ZRANB3: variants seen among roughly 807,000 people sequenced by gnomAD.
ZRANB3 encodes the protein zinc finger RANBP2-type containing 3.
ZRANB3 carries 125 observed loss-of-function variants against 133.8 expected under a neutral mutation model. The ratio of observed to expected loss-of-function variants is 0.93; its 90% CI spans 0.81 to 1.08. ZRANB3 has a LOEUF of 1.08. Ranked by LOEUF, ZRANB3 falls within the 50% of genes least tolerant of loss-of-function variation. The pLI is 0.00. For synonymous variants in ZRANB3, 387 were observed against 432.7 expected (o/e 0.89, Z 1.31); for missense variants, 1,229 against 1,275.5 (o/e 0.96, Z 0.56).
intron 2 of ZRANB3, among the ~76,000 whole-genome samples, chr2:135,414,677 A>G (rs918336846): frequency 1.3e-5 from 2 of 152,158 alleles, no homozygotes; most frequent in Non-Finnish European, 2.9e-5. Flanking sequence ...CACCACACCT[A>G]TTCCAAAATT....
chr2:135,415,071 A>G (rs1013147128), intron 2 of ZRANB3, among the ~76,000 whole-genome samples: 25 of 150,498 alleles, frequency 1.7e-4, no homozygotes, highest in African/African-American at 5.4e-4. Flanking sequence ...AAACACATTC[A>G]AAAGCTAGCA....
chr2:135,403,624 C>G (rs1288457253), intron 2 of ZRANB3, among the ~76,000 whole-genome samples: 3 of 152,206 alleles, frequency 2.0e-5, no homozygotes, highest in Admixed American at 6.5e-5. Context: ...CAGCACGCAG[C>G]TGGAGATCTG....
chr2:135,230,588 A>G lies in ZRANB3; in HGVS notation c.1879T>C (p.Cys627Arg). Residue 627 changes from cysteine (C) to arginine (R), a missense_variant, in exon 13 of 21, where the codon TGT becomes CGT. Coordinates refer to ENST00000264159, the MANE Select transcript of ZRANB3 (RefSeq NM_032143.4). ...TTATTGATATAGGTGCAGAGACTAC[A>G]TTGCCAGCCCTCTACAGGAAAGGCT... ...TPAFPVEGWQCSLCTYINNSE... is the reference protein window; with the variant it reads ...TPAFPVEGWQRSLCTYINNSE... 6.2e-7 allele frequency: 1 copy of G among 1,603,050 alleles called. No homozygotes were observed. Among genetic ancestry groups the G allele is most frequent in the Non-Finnish European group, 8.5e-7 (1 of 1,176,806 alleles).
rs1217413124 is a variant in ZRANB3, at chr2:135,345,650, GTGTTTGTAGTA to G, written c.592-26_592-16del. ...TGCATAAAAAGCTATAATAATACAA[GTGTTTGTAGTA>G]TGTTGTAATATTTTCAAGTAAATTA... On this transcript the variant is annotated splice_polypyrimidine_tract_variant and intron_variant, in intron 5 of 20. Coordinates refer to ENST00000264159, the MANE Select transcript of ZRANB3 (RefSeq NM_032143.4). 27 of 1,522,778 alleles carry G rather than the reference GTGTTTGTAGTA, an allele frequency of 1.8e-5. No homozygotes were observed. Among genetic ancestry groups the G allele is most frequent in the Non-Finnish European group, 2.4e-5 (27 of 1,106,376 alleles). 94.3% of individuals were successfully genotyped at this position (1,522,778 alleles called of 1,614,324 possible). A position where few individuals can be genotyped will look rare whatever the true frequency, so the allele number is the denominator to read the frequency against.
chr2:135,504,964 C>CTCCAAAAAATATAAAAT (rs1693108746), intron 1 of ZRANB3, among the ~76,000 whole-genome samples: 1 of 151,914 alleles, frequency 6.6e-6, no homozygotes, highest in Admixed American at 6.6e-5. Flanking sequence ...AATACAAAGA[C>CTCCAAAAAATATAAAAT]ATTAACTCCA....
In ZRANB3 at chr2:135,438,031, G is replaced by A. The variant is rs541218828; in HGVS notation, c.162-47211C>T. On this transcript the variant is annotated intron_variant, in intron 2 of 20. Coordinates refer to ENST00000264159, the MANE Select transcript of ZRANB3 (RefSeq NM_032143.4). Reference sequence around the variant, plus strand: ...CATGTTCTCCTCCTCTGGGACATGTGTGCTCCTGATTCTTGGGCCTTCCGA... The same window carrying A: ...CATGTTCTCCTCCTCTGGGACATGTATGCTCCTGATTCTTGGGCCTTCCGA... Among the ~76,000 whole-genome samples, 124 of 152,248 alleles carry A rather than the reference G, an allele frequency of 8.1e-4. 1 individual carries two copies. Among genetic ancestry groups the A allele is most frequent in the African/African-American group, 2.6e-3 (110 of 41,544 alleles).
intron 6 of ZRANB3, among the ~76,000 whole-genome samples, chr2:135,329,850 CTGTT>C (rs1207130425): frequency 1.3e-4 from 19 of 151,806 alleles, no homozygotes; most frequent in Admixed American, 4.6e-4. Context: ...ATTTGGCTCT[CTGTT>C]TGTCTGTTTT....
At chr2:135,463,963 A>G (rs949648837) in intron 2 of ZRANB3, among the ~76,000 whole-genome samples, 4 of 152,164 alleles carry the variant, frequency 2.6e-5, no homozygotes, top group Middle Eastern at 3.2e-3. Context: ...TCTACATCTT[A>G]AAGTCTGTAT....
intron 2 of ZRANB3, among the ~76,000 whole-genome samples, chr2:135,458,922 C>T (rs534336561): frequency 6.6e-6 from 1 of 152,218 alleles, no homozygotes; most frequent in Admixed American, 6.5e-5. Flanking sequence ...CTGATCAAAG[C>T]AGGTTAAATC....
At chr2:135,406,200 A>G (rs559512839) in intron 2 of ZRANB3, among the ~76,000 whole-genome samples, 10 of 152,266 alleles carry the variant, frequency 6.6e-5, no homozygotes, top group South Asian at 6.2e-4. Flanking sequence ...ACACCTCTAC[A>G]CAAATAAACT....
intron 6 of ZRANB3, among the ~76,000 whole-genome samples, chr2:135,341,348 T>C (rs1558929365): frequency 1.3e-5 from 2 of 150,028 alleles, no homozygotes; most frequent in Admixed American, 6.6e-5. Context: ...GAAGACTTCA[T>C]GGACATGTAT....
At chr2:135,379,449 G>A (rs1442889168) in intron 3 of ZRANB3, among the ~76,000 whole-genome samples, 5 of 152,194 alleles carry the variant, frequency 3.3e-5, no homozygotes, top group Admixed American at 2.0e-4. Context: ...GAGAGTTGGA[G>A]CTGAATCACT....
At chr2:135,217,094 G>A (rs781378173) in intron 17 of ZRANB3, among the ~76,000 whole-genome samples, 22 of 152,170 alleles carry the variant, frequency 1.4e-4, no homozygotes, top group Non-Finnish European at 1.2e-4. Context: ...CTCACGCACA[G>A]CAGGGCAAAG....
chr2:135,279,163 G>A lies in ZRANB3; in HGVS notation c.967-3408C>T, dbSNP rs192879734. ...GGGGACTGTTATTTTTTGGATCTCT[G>A]GTCATTAAACTATGATACTATGTAG... is the stretch of plus-strand genomic sequence containing the variant. On this transcript the variant is annotated intron_variant, in intron 8 of 20. Transcript: ENST00000264159. 7.5e-4 allele frequency among the ~76,000 whole-genome samples: 114 copies of A among 152,044 alleles called. 2 individuals are homozygous for A. Among genetic ancestry groups the A allele is most frequent in the Admixed American group, 3.5e-3 (53 of 15,276 alleles).
chr2:135,274,475 T>C (rs1474841754), intron 9 of ZRANB3, among the ~76,000 whole-genome samples: 1 of 152,192 alleles, frequency 6.6e-6, no homozygotes, highest in Non-Finnish European at 1.5e-5. Context: ...GGCCACTGTG[T>C]AGGTAAATAA....
intron 9 of ZRANB3, among the ~76,000 whole-genome samples, chr2:135,272,973 G>C (rs891116779): frequency 1.3e-5 from 2 of 151,944 alleles, no homozygotes; most frequent in Non-Finnish European, 1.5e-5. Context: ...CACGAGGTCA[G>C]GAGATCACGA....
intron 2 of ZRANB3, among the ~76,000 whole-genome samples, chr2:135,405,074 C>T (rs1157259560): frequency 2.0e-5 from 3 of 152,116 alleles, no homozygotes; most frequent in Non-Finnish European, 4.4e-5. Flanking sequence ...TCAGGAAACC[C>T]ATCTTACGTG....
At chr2:135,365,404 T>C (rs917780691) in intron 3 of ZRANB3, among the ~76,000 whole-genome samples, 6 of 152,228 alleles carry the variant, frequency 3.9e-5, no homozygotes, top group African/African-American at 1.4e-4. Flanking sequence ...CTTGCTTTGA[T>C]TATATATCTC....
chr2:135,282,952 A>T (rs1480224264), intron 8 of ZRANB3, among the ~76,000 whole-genome samples: 1 of 152,140 alleles, frequency 6.6e-6, no homozygotes, highest in Non-Finnish European at 1.5e-5. Flanking sequence ...TAAAAAAGTT[A>T]TTTTCATGGA....
Sources: gnomAD v4.1 joint callset for allele counts (sites outside exome capture counted in the v4.1 genomes callset) on GRCh38, gnomAD v4.1.1 for gene constraint, MANE v1.5 for transcripts, NCBI Gene and HGNC (gene_info 2026-07-23, HGNC 2026-07-21) for gene names.